The following NRG3 variants were observed in gnomAD, a reference collection of about 807,000 sequenced individuals.
NRG3 encodes the protein neuregulin 3, also known as pro-neuregulin-3, membrane-bound isoform.
In NRG3, 31 loss-of-function variants were observed where a neutral mutation model predicts 66.9. The ratio of observed to expected loss-of-function variants is 0.46; its 90% CI spans 0.35 to 0.63. NRG3 has a LOEUF of 0.63. Among genes scored for constraint, NRG3 ranks in the 20% least tolerant of loss-of-function variants. The pLI, the probability that NRG3 is intolerant of heterozygous loss-of-function variation, is 0.00. For synonymous variants in NRG3, 393 were observed against 359.4 expected, an observed-to-expected ratio of 1.09 and a Z score of -1.06; for missense variants, 910 against 878.9, an observed-to-expected ratio of 1.04 and a Z score of -0.45.
chr10:82,460,259 G>A (rs146377038), intron 2 of NRG3, among the ~76,000 whole-genome samples: 6 of 152,280 alleles, frequency 3.9e-5, no homozygotes, highest in Non-Finnish European at 7.4e-5. Flanking sequence ...GGGTTGTGCG[G>A]CTAAGGCTTT....
intron 5 of NRG3, among the ~76,000 whole-genome samples, chr10:82,952,153 G>C (rs766490361): frequency 6.6e-6 from 1 of 152,112 alleles, no homozygotes; most frequent in Non-Finnish European, 1.5e-5. Context: ...ATAGATGTAG[G>C]CCAGGTGCAG....
chr10:82,865,337 T>C, intron 3 of NRG3, 74 bp from the exon 4 acceptor site: 1 of 1,506,998 alleles, frequency 6.6e-7, no homozygotes, highest in Non-Finnish European at 9.2e-7. Flanking sequence ...GAGCACTGAT[T>C]TCCATGTATA....
intron 3 of NRG3, among the ~76,000 whole-genome samples, chr10:82,852,786 A>G (rs2135848953): frequency 6.6e-6 from 1 of 152,332 alleles, no homozygotes; most frequent in East Asian, 1.9e-4. Flanking sequence ...TGCCGAGTGG[A>G]GTAATTATTT....
intron 1 of NRG3, among the ~76,000 whole-genome samples, chr10:82,338,055 G>A (rs2082481612): frequency 6.6e-6 from 1 of 152,170 alleles, no homozygotes; most frequent in African/African-American, 2.4e-5. Context: ...ACATCTTACA[G>A]AGATGAATAA....
chr10:82,064,892 G>C (rs906787607), intron 1 of NRG3, among the ~76,000 whole-genome samples: 1 of 151,302 alleles, frequency 6.6e-6, no homozygotes, highest in Non-Finnish European at 1.5e-5. Flanking sequence ...AAAGTCCTCA[G>C]TATGTTGAAG....
chr10:82,433,594 A>G (rs2089955798), intron 2 of NRG3, among the ~76,000 whole-genome samples: 2 of 152,262 alleles, frequency 1.3e-5, no homozygotes, highest in South Asian at 4.1e-4. Context: ...TTTACATTTA[A>G]GTATTTAATC....
chr10:81,950,136 G>A (rs774431892), intron 1 of NRG3, among the ~76,000 whole-genome samples: 30 of 152,154 alleles, frequency 2.0e-4, no homozygotes, highest in Non-Finnish European at 4.0e-4. Flanking sequence ...TATTCCAAAT[G>A]TTCTCATCTT....
At chr10:82,240,370 G>A (rs553647709) in intron 1 of NRG3, among the ~76,000 whole-genome samples, 6 of 152,014 alleles carry the variant, frequency 3.9e-5, no homozygotes, top group African/African-American at 1.4e-4. Flanking sequence ...GTAGATTTCA[G>A]ATACATATAA....
At chr10:82,010,494 C>A (rs1226718402) in intron 1 of NRG3, among the ~76,000 whole-genome samples, 7 of 151,932 alleles carry the variant, frequency 4.6e-5, no homozygotes, top group Non-Finnish European at 1.5e-5. Flanking sequence ...TGTGTTGCAC[C>A]CTCCCTTTTG....
intron 1 of NRG3, among the ~76,000 whole-genome samples, chr10:82,204,604 T>G (rs1180540031): frequency 6.6e-6 from 1 of 152,188 alleles, no homozygotes; most frequent in African/African-American, 2.4e-5. Context: ...TCTAGTTTCT[T>G]CATTTGTTTT....
At chr10:82,394,390 A>G (rs2086584432) in intron 2 of NRG3, among the ~76,000 whole-genome samples, 1 of 152,216 alleles carries the variant, frequency 6.6e-6, no homozygotes, top group Non-Finnish European at 1.5e-5. Context: ...GATAATGGGT[A>G]GACACAGGAG....
intron 1 of NRG3, among the ~76,000 whole-genome samples, chr10:82,069,439 C>T (rs997747522): frequency 7.2e-5 from 11 of 152,106 alleles, no homozygotes; most frequent in Admixed American, 1.3e-4. Flanking sequence ...CACACATGAG[C>T]GTATTTAACT....
rs571094022 is a variant in NRG3, at chr10:82,606,764, A to G, written c.954-131813A>G. On this transcript the variant is annotated intron_variant, in intron 2 of 8. Coordinates refer to ENST00000372141, the MANE Select transcript of NRG3 (RefSeq NM_001010848.4). ...TGTTCCTATAGATAGAATCTCTGAC[A>G]CCGAACATTTTTACCCAAAAATTGC... 5.9e-5 allele frequency among the ~76,000 whole-genome samples: 9 copies of G among 152,278 alleles called. No homozygotes were observed. The South Asian group carries it at 1.9e-3, about 32-fold the overall frequency.
intron 1 of NRG3, among the ~76,000 whole-genome samples, chr10:82,217,537 A>C (rs1027372656): frequency 6.6e-6 from 1 of 152,120 alleles, no homozygotes; most frequent in African/African-American, 2.4e-5. Context: ...CTTGGGCAAC[A>C]CTCCTGAATC....
chr10:82,346,765 G>T (rs2083053280), intron 1 of NRG3, among the ~76,000 whole-genome samples: 1 of 151,980 alleles, frequency 6.6e-6, no homozygotes, highest in Non-Finnish European at 1.5e-5. Context: ...TCTATTCAGA[G>T]ATTCAATTTC....
chr10:82,582,662 T>TGTGTGTG (rs2046424060), intron 2 of NRG3, among the ~76,000 whole-genome samples: 7 of 146,378 alleles, frequency 4.8e-5, no homozygotes, highest in African/African-American at 1.7e-4. Flanking sequence ...TCTATATGTG[T>TGTGTGTG]TGTGTGTGTG....
chr10:82,302,895 T>C (rs2080483675), intron 1 of NRG3, among the ~76,000 whole-genome samples: 1 of 152,178 alleles, frequency 6.6e-6, no homozygotes, highest in Non-Finnish European at 1.5e-5. Flanking sequence ...CTTAAGGCAA[T>C]GTATTCTTAA....
intron 1 of NRG3, among the ~76,000 whole-genome samples, chr10:81,913,431 T>C (rs1301556654): frequency 1.3e-5 from 2 of 152,074 alleles, no homozygotes. Context: ...TTTTCTTTTT[T>C]TTTTTTCTTT....
intron 1 of NRG3, among the ~76,000 whole-genome samples, chr10:82,082,864 A>G (rs2065471773): frequency 6.6e-6 from 1 of 152,168 alleles, no homozygotes; most frequent in Non-Finnish European, 1.5e-5. Context: ...AAGAAAGAAA[A>G]TTAAAACTAT....
Sources: allele counts gnomAD v4.1 joint callset (sites outside exome capture counted in the v4.1 genomes callset), GRCh38; gene constraint gnomAD v4.1.1; transcripts MANE v1.5; gene names NCBI Gene and HGNC (gene_info 2026-07-23, HGNC 2026-07-21).